CRYZ: variants seen among roughly 807,000 people sequenced by gnomAD.
CRYZ encodes crystallin zeta.
In CRYZ, 35 loss-of-function variants were observed where a neutral mutation model predicts 34.1. The observed-to-expected ratio is 1.03, with a 90% confidence interval of 0.78 to 1.36. The LOEUF (loss-of-function observed/expected upper bound fraction) is 1.36, where lower values mean the gene tolerates loss of function less well. Ranked by LOEUF, CRYZ falls within the 40% of genes most tolerant of loss-of-function variation. The pLI is 0.00. For missense variants in CRYZ, 403 were observed against 391.8 expected (o/e 1.03, Z -0.24); for synonymous variants, 137 against 136.5 (o/e 1.00, Z -0.03).
At chr1:74,724,528 A>T (rs1647236477) in intron 2 of CRYZ, among the ~76,000 whole-genome samples, 183 bp downstream of exon 2, 1 of 152,166 alleles carries the variant, frequency 6.6e-6, no homozygotes, top group Admixed American at 6.5e-5. Flanking sequence ...TTTTTCATAC[A>T]TCTACTTCAC....
intron 4 of CRYZ, among the ~76,000 whole-genome samples, chr1:74,717,412 A>T (rs1647092742): frequency 6.6e-6 from 1 of 152,140 alleles, no homozygotes; most frequent in African/African-American, 2.4e-5. Context: ...GACTAATGTC[A>T]CCAATGACCT....
At chr1:74,708,537 T>C (rs897289428) in intron 6 of CRYZ, 3 of 152,056 alleles carry the variant, frequency 2.0e-5, no homozygotes, top group South Asian at 2.1e-4. Flanking sequence ...GTCAGTGGAA[T>C]AGAGATAAGG....
chr1:74,710,934 G>A (rs918890402), intron 5 of CRYZ, among the ~76,000 whole-genome samples: 13 of 152,158 alleles, frequency 8.5e-5, no homozygotes, highest in African/African-American at 3.1e-4. Flanking sequence ...GGGTTAAAGA[G>A]ACAGGAATAG....
intron 4 of CRYZ, among the ~76,000 whole-genome samples, chr1:74,716,040 T>G (rs1378385656): frequency 6.6e-6 from 1 of 151,952 alleles, no homozygotes; most frequent in East Asian, 1.9e-4. Flanking sequence ...TGACCTCCGA[T>G]GAGCAAGAGT....
chr1:74,715,637 A>T (rs1001569208), intron 4 of CRYZ, among the ~76,000 whole-genome samples: 1 of 152,220 alleles, frequency 6.6e-6, no homozygotes, highest in Non-Finnish European at 1.5e-5. Context: ...AAAGTAAAAC[A>T]TAAACATAAG....
chr1:74,732,583 A>AAGC (rs1490890759), intron 1 of CRYZ, among the ~76,000 whole-genome samples: 1 of 103,246 alleles, frequency 9.7e-6, no homozygotes, highest in Non-Finnish European at 1.9e-5. Flanking sequence ...GGGAAAAATC[A>AAGC]AGCGGGTGAC....
At chr1:74,719,656 C>A (rs373473009) in intron 3 of CRYZ, among the ~76,000 whole-genome samples, 1 of 151,904 alleles carries the variant, frequency 6.6e-6, no homozygotes, top group African/African-American at 2.4e-5. Flanking sequence ...CCACCACACC[C>A]GGCTGATTTT....
At chr1:74,709,985 GA>G in intron 6 of CRYZ, 112 bp downstream of exon 6, 2 of 839,936 alleles carry the variant, frequency 2.4e-6, no homozygotes, top group Non-Finnish European at 3.6e-6. Context: ...TCATCGCACT[GA>G]AAAAAGGAAG....
Position 74,706,160 on chromosome 1 carries a change from C to G in CRYZ, c.*136G>C, listed in dbSNP as rs75139844. ...TAAATTTTACTCTTCTGCTTCTGCT[C>G]TCTAAAGAAAAATCTTATTTTTTCA... On this transcript the variant is annotated 3_prime_UTR_variant, in exon 9 of 9. Coordinates refer to ENST00000340866, the MANE Select transcript of CRYZ (RefSeq NM_001889.4). 3.7e-3 allele frequency: 2,738 copies of G among 732,882 alleles called. 68 individuals are homozygous for G. In the African/African-American group the frequency reaches 0.045, roughly 12 times the overall value. 45.4% of individuals were successfully genotyped at this position (732,882 alleles called of 1,614,324 possible).
chr1:74,732,584 A>C (rs1478492511), intron 1 of CRYZ, among the ~76,000 whole-genome samples: 1 of 93,770 alleles, frequency 1.1e-5, no homozygotes, highest in Non-Finnish European at 2.0e-5. Context: ...GGAAAAATCA[A>C]GCGGGTGACT....
At chr1:74,717,485 G>A (rs1418657310) in intron 4 of CRYZ, among the ~76,000 whole-genome samples, 1 of 152,074 alleles carries the variant, frequency 6.6e-6, no homozygotes, top group Non-Finnish European at 1.5e-5. Flanking sequence ...TTGACAGCTG[G>A]CCTCCCTCCT....
chr1:74,732,747 C>A (rs1261549885), intron 1 of CRYZ: 4 of 156,144 alleles, frequency 2.6e-5, no homozygotes, highest in African/African-American at 9.7e-5. Context: ...AGCCCAGGAC[C>A]AGAAGGCAAA....
intron 6 of CRYZ, among the ~76,000 whole-genome samples, chr1:74,709,856 A>C (rs1946307): frequency 0.064 from 9,726 of 152,280 alleles, 1,009 homozygotes; most frequent in African/African-American, 0.22. Context: ...TTTTATAGCT[A>C]TAAGATTCTA....
At chr1:74,710,373 G>A (rs1646986050) in intron 5 of CRYZ, 126 bp from the exon 6 acceptor site, 1 of 764,114 alleles carries the variant, frequency 1.3e-6, no homozygotes, top group Non-Finnish European at 2.0e-6. Flanking sequence ...GAGTGTAAAT[G>A]AAGAAATAAG....
intron 1 of CRYZ, among the ~76,000 whole-genome samples, chr1:74,732,360 A>G (rs1647826215): frequency 6.8e-6 from 1 of 146,870 alleles, no homozygotes; most frequent in Non-Finnish European, 1.5e-5. Flanking sequence ...GGGCTGTGGG[A>G]AGGGGCCCTA....
At chr1:74,715,564 G>A (rs1374381584) in intron 4 of CRYZ, among the ~76,000 whole-genome samples, 3 of 152,176 alleles carry the variant, frequency 2.0e-5, no homozygotes, top group South Asian at 4.1e-4. Context: ...GCAACAATGA[G>A]CAATAAGTGA....
At chr1:74,707,334 T>C in intron 6 of CRYZ, 130 bp from the exon 7 acceptor site, 2 of 587,142 alleles carry the variant, frequency 3.4e-6, no homozygotes, top group South Asian at 4.5e-5. Flanking sequence ...AGACTAATAA[T>C]GCAAAATTTT....
Position 74,714,621 on chromosome 1 carries a change from C to T in CRYZ, c.438G>A (p.Val146=). 1 of 1,613,702 alleles carries T rather than the reference C, an allele frequency of 6.2e-7. No homozygotes were observed. Among genetic ancestry groups the T allele is most frequent in the Non-Finnish European group, 8.5e-7 (1 of 1,179,708 alleles). The part of the protein sequence containing the change: ...AYRALIHSAC[V]KAGESVLVHG... ...GAACCAGAACACTCTCTCCAGCTTT[C>T]ACACAGGCACTGCAAAGGAAAGCAT... The change falls in exon 5 of 9, where the codon GTG becomes GTA. Residue 146 remains valine (V), a synonymous_variant. Transcript: ENST00000340866.
At chr1:74,723,986 T>C (rs1326865079) in intron 2 of CRYZ, among the ~76,000 whole-genome samples, 1 of 152,088 alleles carries the variant, frequency 6.6e-6, no homozygotes, top group African/African-American at 2.4e-5. Context: ...GGTATTTAGT[T>C]AGGGTTTAAA....
Sources: allele counts gnomAD v4.1 joint callset (sites outside exome capture counted in the v4.1 genomes callset), GRCh38; gene constraint gnomAD v4.1.1; transcripts MANE v1.5; gene names NCBI Gene and HGNC (gene_info 2026-07-23, HGNC 2026-07-21).